The following SPATA13 variants were observed in gnomAD, a reference collection of about 807,000 sequenced individuals.
SPATA13 encodes the protein spermatogenesis associated 13.
A neutral mutation model predicts 104.0 loss-of-function variants in SPATA13; 50 were observed. That is an observed-to-expected ratio of 0.48 (90% CI 0.38 to 0.61). The LOEUF is 0.61. SPATA13 is among the 20% of genes least tolerant of loss of function. SPATA13 has a pLI of 0.00. For missense variants in SPATA13, 1,524 were observed against 1,690.6 expected (o/e 0.90, Z 1.73); for synonymous variants, 606 against 667.5 (o/e 0.91, Z 1.42).
At chr13:24,053,129 CTTGT>C (rs1878420697) in intron 3 of SPATA13, among the ~76,000 whole-genome samples, 2 of 151,844 alleles carry the variant, frequency 1.3e-5, no homozygotes, top group African/African-American at 4.8e-5. Flanking sequence ...CCGTGACATT[CTTGT>C]TTTAGATATA....
intron 3 of SPATA13, among the ~76,000 whole-genome samples, chr13:24,029,686 C>T (rs1387601943): frequency 6.6e-6 from 1 of 152,054 alleles, no homozygotes; most frequent in South Asian, 2.1e-4. Flanking sequence ...ACACTTGTGT[C>T]ATGGGGGTTT....
chr13:24,137,310 C>G (rs902646370), intron 3 of SPATA13, among the ~76,000 whole-genome samples: 2 of 152,144 alleles, frequency 1.3e-5, no homozygotes, highest in African/African-American at 4.8e-5. Context: ...GGGGCCTGCT[C>G]CTGGCTGGGC....
intron 3 of SPATA13, among the ~76,000 whole-genome samples, chr13:24,148,607 T>C (rs1437975140): frequency 1.3e-5 from 2 of 152,194 alleles, no homozygotes; most frequent in East Asian, 3.9e-4. Context: ...GAGTTTAATA[T>C]GGTTGACCAG....
chr13:24,036,525 T>C (rs1877688735), intron 3 of SPATA13, among the ~76,000 whole-genome samples: 1 of 152,144 alleles, frequency 6.6e-6, no homozygotes, highest in African/African-American at 2.4e-5. Context: ...CTGAACGTTC[T>C]TTAGGTGACT....
Position 24,223,535 on chromosome 13 carries a change from C to T in SPATA13, c.606C>T (p.Ser202=). ...AFQRSTHRSR[S]LRRAYGLGRI... ...AGCGGAGCACACACCGCTCCCGCAGCCTCCGCAGAGCCTACGGCCTGGGCC... is the reference window on the plus strand; with the variant it reads ...AGCGGAGCACACACCGCTCCCGCAGTCTCCGCAGAGCCTACGGCCTGGGCC... Residue 202 remains serine, a synonymous_variant, in exon 2 of 13, where the codon AGC becomes AGT. Transcript: ENST00000382108. The T allele has an allele frequency of 6.5e-7, 1 of 1,549,016 alleles. No homozygotes were observed. The highest frequency in any genetic ancestry group is 8.7e-7 in the Non-Finnish European group (1 of 1,146,998).
At chr13:24,082,504 T>A (rs903276643) in intron 3 of SPATA13, among the ~76,000 whole-genome samples, 7 of 152,298 alleles carry the variant, frequency 4.6e-5, no homozygotes, top group African/African-American at 1.7e-4. Context: ...GCCTTTTCTA[T>A]ACTCAACTAC....
At chr13:24,029,445 T>C (rs1451171219) in intron 3 of SPATA13, among the ~76,000 whole-genome samples, 1 of 152,078 alleles carries the variant, frequency 6.6e-6, no homozygotes, top group Non-Finnish European at 1.5e-5. Flanking sequence ...AGGAGTAGGG[T>C]TGCCATAAAA....
At chr13:24,230,124 G>A (rs1872176375) in intron 2 of SPATA13, among the ~76,000 whole-genome samples, 1 of 152,208 alleles carries the variant, frequency 6.6e-6, no homozygotes, top group Non-Finnish European at 1.5e-5. Context: ...AGAACAGGAA[G>A]TAATGTAATT....
chr13:24,141,399 G>C (rs986503741), intron 3 of SPATA13, among the ~76,000 whole-genome samples: 2 of 152,090 alleles, frequency 1.3e-5, no homozygotes, highest in African/African-American at 4.8e-5. Context: ...TGTTGACGTT[G>C]GGCCTTGCTA....
intron 3 of SPATA13, among the ~76,000 whole-genome samples, chr13:24,145,794 A>G (rs1054117150): frequency 2.6e-5 from 4 of 152,250 alleles, no homozygotes. Context: ...GAAGGAGACT[A>G]AGACAGGAAA....
At position 24,284,182 on chromosome 13, in the gene SPATA13, G is replaced by A. The variant is rs531600403; in HGVS notation, c.2212G>A (p.Gly738Ser). ...GCCCTCTGCCTTAGTGGATGACAAC[G>A]GTAGTGAGGAGGACTTCAGCTATGA... ...TEPSALVDDN[G>S]SEEDFSYEDL... Residue 738 changes from glycine (G) to serine (S), a missense_variant, in exon 5 of 13, where the codon GGT (glycine) becomes AGT (serine). By Grantham distance (56) the Gly-to-Ser change is moderately conservative. Around this residue, in one of 2 missense-constraint regions of SPATA13, gnomAD observed 1,089 missense variants for 1,135.9 expected, o/e 0.96. Coordinates refer to ENST00000382108, the MANE Select transcript of SPATA13 (RefSeq NM_001166271.3). 31 of 1,613,844 alleles carry A rather than the reference G, an allele frequency of 1.9e-5. No individual in the cohort carries two copies. The highest frequency in any genetic ancestry group is 1.7e-4 in the Middle Eastern group (1 of 5,958).
At chr13:24,006,760 C>G (rs1207255462) in intron 2 of SPATA13, among the ~76,000 whole-genome samples, 1 of 150,170 alleles carries the variant, frequency 6.7e-6, no homozygotes, top group Admixed American at 6.6e-5. Context: ...GACACGCAGC[C>G]CAAGCTCCTG....
intron 4 of SPATA13, among the ~76,000 whole-genome samples, chr13:24,266,460 T>A (rs1232950890): frequency 6.6e-6 from 1 of 152,084 alleles, no homozygotes; most frequent in African/African-American, 2.4e-5. Context: ...AATTTTTTTA[T>A]TTTTTGTAGA....
At chr13:24,110,433 T>C (rs906436710) in intron 3 of SPATA13, among the ~76,000 whole-genome samples, 2 of 152,218 alleles carry the variant, frequency 1.3e-5, no homozygotes, top group African/African-American at 4.8e-5. Context: ...ACTCACTTAA[T>C]ATTGTAATAT....
chr13:24,129,654 G>C (rs1229023619), intron 3 of SPATA13, among the ~76,000 whole-genome samples: 1 of 152,202 alleles, frequency 6.6e-6, no homozygotes, highest in Non-Finnish European at 1.5e-5. Flanking sequence ...GTGGCTTCTG[G>C]TTCCTGGCCA....
chr13:24,251,221 T>A (rs530761836), intron 3 of SPATA13, among the ~76,000 whole-genome samples: 1 of 152,260 alleles, frequency 6.6e-6, no homozygotes, highest in South Asian at 2.1e-4. Context: ...CACAAATCCT[T>A]ACTGAGGGCT....
At chr13:24,053,242 G>A (rs752357756) in intron 3 of SPATA13, among the ~76,000 whole-genome samples, 1 of 152,140 alleles carries the variant, frequency 6.6e-6, no homozygotes, top group African/African-American at 2.4e-5. Flanking sequence ...TTAGCATAGA[G>A]TTTCAGAGCT....
intron 2 of SPATA13, among the ~76,000 whole-genome samples, chr13:24,239,684 G>C (rs1231122050): frequency 2.8e-5 from 2 of 71,764 alleles, no homozygotes; most frequent in African/African-American, 5.8e-5. Context: ...GTCGGATAGA[G>C]ACCATATCTA....
intron 2 of SPATA13, among the ~76,000 whole-genome samples, chr13:23,997,337 T>G (rs538803589): frequency 6.6e-6 from 1 of 152,182 alleles, no homozygotes; most frequent in Non-Finnish European, 1.5e-5. Flanking sequence ...ATGTCCCCTG[T>G]GATCCGACCG....
Sources: allele counts gnomAD v4.1 joint callset (sites outside exome capture counted in the v4.1 genomes callset), GRCh38; gene constraint gnomAD v4.1.1; regional missense constraint gnomAD v4.1.1; transcripts MANE v1.5; gene names NCBI Gene and HGNC (gene_info 2026-07-23, HGNC 2026-07-21).